Variants in LRRC20 observed in about 807,000 individuals in gnomAD.
The protein encoded by LRRC20 is leucine-rich repeat-containing protein 20.
Under a neutral mutation model 14.4 loss-of-function variants are expected in LRRC20, and 11 were observed. The ratio of observed to expected loss-of-function variants is 0.77; its 90% CI spans 0.48 to 1.27. LRRC20 has a LOEUF of 1.27. Ranked by LOEUF, LRRC20 falls within the 50% of genes most tolerant of loss-of-function variation. The probability of loss-of-function intolerance (pLI) is 0.00; values close to 1 mark genes in which losing one functional copy is unlikely to be tolerated. For missense variants in LRRC20, 219 were observed against 251.2 expected, an observed-to-expected ratio of 0.87 and a Z score of 0.87; for synonymous variants, 121 against 107.3, an observed-to-expected ratio of 1.13 and a Z score of -0.79.
chr10:70,305,223 T>A (rs528771367), intron 4 of LRRC20, among the ~76,000 whole-genome samples: 1 of 152,194 alleles, frequency 6.6e-6, no homozygotes, highest in Non-Finnish European at 1.5e-5. Flanking sequence ...TTCAGACCCA[T>A]GTCATAACGT....
chr10:70,315,173 G>T (rs1259638572), intron 4 of LRRC20, among the ~76,000 whole-genome samples: 1 of 152,162 alleles, frequency 6.6e-6, no homozygotes, highest in East Asian at 1.9e-4. Context: ...TGCAGCAAAT[G>T]GTCACTAGTG....
At chr10:70,354,288 C>A (rs1036358013) in intron 2 of LRRC20, among the ~76,000 whole-genome samples, 3 of 152,108 alleles carry the variant, frequency 2.0e-5, no homozygotes, top group African/African-American at 7.2e-5. Flanking sequence ...ATACCATCAC[C>A]TCTCAAACTA....
chr10:70,370,891 G>C (rs1844240125), intron 2 of LRRC20, among the ~76,000 whole-genome samples: 1 of 152,048 alleles, frequency 6.6e-6, no homozygotes, highest in Admixed American at 6.6e-5. Flanking sequence ...GTAGTAGCAA[G>C]TGCCTGTAGT....
chr10:70,380,705 A>G (rs769458866), intron 1 of LRRC20, among the ~76,000 whole-genome samples: 7 of 152,270 alleles, frequency 4.6e-5, no homozygotes, highest in South Asian at 2.1e-4. Context: ...CACACTGCCT[A>G]CATCCTCAAA....
chr10:70,376,482 C>G lies in LRRC20; in HGVS notation c.52G>C (p.Glu18Gln), dbSNP rs80070876. Residue 18 changes from glutamate (E) to glutamine (Q), a missense_variant, in exon 2 of 5, where the codon GAG becomes CAG. Transcript: ENST00000446961. ...GTGTCAGAGCCGCTCTCCACCGTCTCGTTGACCTTCCTTGCTACTCTGGCC... is the reference window on the plus strand; with the variant it reads ...GTGTCAGAGCCGCTCTCCACCGTCTGGTTGACCTTCCTTGCTACTCTGGCC... ...AVARVARKVNETVESGSDTLD... is the reference protein window; with the variant it reads ...AVARVARKVNQTVESGSDTLD... 8 of 1,614,120 alleles carry G rather than the reference C, an allele frequency of 5.0e-6. No individual in the cohort carries two copies. The highest frequency in any genetic ancestry group is 1.3e-5 in the African/African-American group (1 of 75,074).
intron 1 of LRRC20, chr10:70,376,856 G>T: frequency 2.9e-6 from 1 of 350,810 alleles, no homozygotes; most frequent in Non-Finnish European, 5.3e-6. Flanking sequence ...CACCAGACAT[G>T]GGGACCAGGT....
At chr10:70,325,229 T>C (rs940587270) in intron 3 of LRRC20, among the ~76,000 whole-genome samples, 4 of 152,200 alleles carry the variant, frequency 2.6e-5, no homozygotes, top group Non-Finnish European at 4.4e-5. Flanking sequence ...TGGGGTGGAA[T>C]GCCTTGTATG....
intron 2 of LRRC20, among the ~76,000 whole-genome samples, chr10:70,341,277 A>G (rs906759540): frequency 8.5e-5 from 13 of 152,154 alleles, no homozygotes; most frequent in African/African-American, 2.7e-4. Flanking sequence ...TGACCCAGTC[A>G]CTCCACTCTT....
chr10:70,342,310 A>G (rs1842946387), intron 2 of LRRC20, among the ~76,000 whole-genome samples: 1 of 151,708 alleles, frequency 6.6e-6, no homozygotes, highest in African/African-American at 2.4e-5. Context: ...ACTATCTCAA[A>G]AAAAAAAAAA....
chr10:70,300,636 A>G lies in LRRC20; in HGVS notation c.*718T>C. On this transcript the variant is annotated 3_prime_UTR_variant, in exon 5 of 5. Coordinates refer to ENST00000446961, the MANE Select transcript of LRRC20 (RefSeq NM_001278212.2). Reference sequence around the variant, plus strand: ...AGGGACGGAGCACTCAGGACTTCCCACCCCGCCAATTTGTTAACTGTGGGG... The same window carrying G: ...AGGGACGGAGCACTCAGGACTTCCCGCCCCGCCAATTTGTTAACTGTGGGG... 1.0e-6 allele frequency: 1 copy of G among 985,254 alleles called. No homozygotes were observed. The highest frequency in any genetic ancestry group is 1.2e-6 in the Non-Finnish European group (1 of 829,936). 61.0% of individuals were successfully genotyped at this position (985,254 alleles called of 1,614,324 possible).
intron 3 of LRRC20, 34 bp downstream of exon 3, chr10:70,340,519 C>T (rs1842872991): frequency 1.2e-6 from 2 of 1,613,172 alleles, no homozygotes; most frequent in Non-Finnish European, 1.7e-6. Context: ...GAGAGCTGGC[C>T]ATGCCCTCCT....
At chr10:70,312,561 C>T (rs1246882486) in intron 4 of LRRC20, among the ~76,000 whole-genome samples, 1 of 152,188 alleles carries the variant, frequency 6.6e-6, no homozygotes, top group Non-Finnish European at 1.5e-5. Context: ...ACAGCCTTGA[C>T]AATCCTGCAG....
intron 2 of LRRC20, among the ~76,000 whole-genome samples, chr10:70,358,738 G>A (rs1474478926): frequency 1.3e-5 from 2 of 152,078 alleles, no homozygotes; most frequent in African/African-American, 4.8e-5. Flanking sequence ...CCCCAGAAAG[G>A]GCACCCACCT....
chr10:70,323,823 C>T (rs376586163), intron 4 of LRRC20, 40 bp downstream of exon 4: 99 of 1,609,458 alleles, frequency 6.2e-5, no homozygotes, highest in Non-Finnish European at 7.2e-5. Flanking sequence ...ATGAGCGCCT[C>T]GTGCAGCAGC....
intron 2 of LRRC20, among the ~76,000 whole-genome samples, chr10:70,342,133 T>C (rs1453196316): frequency 1.3e-5 from 2 of 152,028 alleles, no homozygotes; most frequent in East Asian, 1.9e-4. Context: ...ACCCCATCTC[T>C]ACTAAAAATA....
Position 70,304,491 on chromosome 10 carries a change from TA to T in LRRC20, c.401-2984del, listed in dbSNP as rs1564607889. Among the ~76,000 whole-genome samples, 117 of 142,762 alleles carry T rather than the reference TA, an allele frequency of 8.2e-4. 2 individuals carry two copies. The highest frequency in any genetic ancestry group is 2.8e-3 in the African/African-American group (111 of 40,006). 93.7% of individuals were successfully genotyped at this position (142,762 alleles called of 152,430 possible). On this transcript the variant is annotated intron_variant, in intron 4 of 4. Coordinates refer to ENST00000446961, the MANE Select transcript of LRRC20 (RefSeq NM_001278212.2). ...TTCTTTATATATATATATATATATATATATATATATATATATTTTACTAAGC... is the reference window on the plus strand; with the variant it reads ...TTCTTTATATATATATATATATATATTATATATATATATATTTTACTAAGC...
At chr10:70,342,656 G>C (rs900680071) in intron 2 of LRRC20, among the ~76,000 whole-genome samples, 11 of 152,114 alleles carry the variant, frequency 7.2e-5, no homozygotes, top group Non-Finnish European at 1.3e-4. Flanking sequence ...GACTAACAAA[G>C]CGCCTAGAAG....
chr10:70,332,192 G>A (rs994337989), intron 3 of LRRC20, among the ~76,000 whole-genome samples: 4 of 152,258 alleles, frequency 2.6e-5, no homozygotes, highest in African/African-American at 4.8e-5. Flanking sequence ...TGCTGAGGAG[G>A]CTTCACACAG....
At chr10:70,347,496 A>C (rs940898177) in intron 2 of LRRC20, among the ~76,000 whole-genome samples, 9 of 151,964 alleles carry the variant, frequency 5.9e-5, no homozygotes, top group Non-Finnish European at 1.0e-4. Flanking sequence ...CCAACCTCAC[A>C]CCACCCACCC....
Sources: allele counts gnomAD v4.1 joint callset (sites outside exome capture counted in the v4.1 genomes callset), GRCh38; gene constraint gnomAD v4.1.1; transcripts MANE v1.5; gene names NCBI Gene and HGNC (gene_info 2026-07-23, HGNC 2026-07-21).